RPGR: variants seen among roughly 807,000 people sequenced by gnomAD.
The protein encoded by RPGR is retinitis pigmentosa GTPase regulator.
RPGR carries 10 observed loss-of-function variants against 56.3 expected under a neutral mutation model. That is an observed-to-expected ratio of 0.18 (90% CI 0.11 to 0.30). The LOEUF (loss-of-function observed/expected upper bound fraction) is 0.30, where lower values mean the gene tolerates loss of function less well. RPGR is among the 10% of genes least tolerant of loss of function. The pLI is 1.00. For missense variants in RPGR, 538 were observed against 590.9 expected (o/e 0.91, Z 0.93); for synonymous variants, 197 against 212.9 (o/e 0.93, Z 0.65).
chrX:38,276,567 T>G (rs1426577872), intron 16 of RPGR: 1 of 1,204,100 alleles, frequency 8.3e-7, no homozygotes, highest in East Asian at 3.0e-5. Context: ...ATCTCAGGAT[T>G]TAAGCATCTA....
chrX:38,286,172 C>G, intron 15 of RPGR: 1 of 780,522 alleles, frequency 1.3e-6, no homozygotes, highest in Non-Finnish European at 1.7e-6. Flanking sequence ...CCTTCTCCAT[C>G]CTCCCCTTCC....
chrX:38,282,111 A>T (rs1462807337), intron 15 of RPGR, among the ~76,000 whole-genome samples: 2 of 111,811 alleles, frequency 1.8e-5, no homozygotes, highest in Non-Finnish European at 3.8e-5. Flanking sequence ...TAAATATTTT[A>T]AAAATTAAAT....
At chrX:38,274,287 G>T (rs1447316878) in intron 17 of RPGR, among the ~76,000 whole-genome samples, 1 of 111,331 alleles carries the variant, frequency 9.0e-6, no homozygotes, top group African/African-American at 3.3e-5. Context: ...TGATAGGTAG[G>T]CTTGGGAAAG....
At chrX:38,315,912 A>G (rs999880288) in intron 6 of RPGR, among the ~76,000 whole-genome samples, 3 of 108,780 alleles carry the variant, frequency 2.8e-5, no homozygotes, top group Non-Finnish European at 5.7e-5. Context: ...TTATGTACCC[A>G]CAAATATTAA....
intron 16 of RPGR, chrX:38,275,192 G>A: frequency 1.8e-6 from 2 of 1,094,421 alleles, no homozygotes; most frequent in East Asian, 3.0e-5. Context: ...TTTTTGTGCT[G>A]TTCTAGAAAA....
At chrX:38,284,816 G>A (rs1407210467) in intron 15 of RPGR, 1 of 746,801 alleles carries the variant, frequency 1.3e-6, no homozygotes, top group East Asian at 1.5e-4. Context: ...GGCCCAATGA[G>A]TACCTTTGCC....
chrX:38,307,889 C>T (rs1056163948), intron 7 of RPGR, among the ~76,000 whole-genome samples: 4 of 111,445 alleles, frequency 3.6e-5, no homozygotes, highest in Non-Finnish European at 7.5e-5. Flanking sequence ...TGAAAATGTT[C>T]CTTATTTTAT....
chrX:38,322,846 C>A lies in RPGR; in HGVS notation c.247+7G>T. 1 of 1,199,710 alleles carries A rather than the reference C, an allele frequency of 8.3e-7. No individual in the cohort carries two copies. Among genetic ancestry groups the A allele is most frequent in the Non-Finnish European group, 1.1e-6 (1 of 884,713 alleles). On this transcript the variant is annotated splice_region_variant and intron_variant, in intron 3 of 18. Coordinates refer to ENST00000642395, the MANE Select transcript of RPGR (RefSeq NM_000328.3). ...ACAGTTTGTGAAAAGATAAAAAGAT[C>A]CCAAACCTTTGACACATGTTGGCTT...
At chrX:38,289,852 C>G (rs1325857670) in intron 13 of RPGR, among the ~76,000 whole-genome samples, 2 of 112,083 alleles carry the variant, frequency 1.8e-5, no homozygotes, top group Non-Finnish European at 3.8e-5. Context: ...GTTGCCAGAA[C>G]TGATTTCTAA....
At chrX:38,274,349 T>TA (rs770337586) in intron 17 of RPGR, among the ~76,000 whole-genome samples, 10 of 111,560 alleles carry the variant, frequency 9.0e-5, no homozygotes, top group African/African-American at 3.3e-4. Flanking sequence ...CCCTCGGGGG[T>TA]AAATAACTGG....
At chrX:38,304,489 T>C (rs1271019653) in intron 8 of RPGR, 146 bp downstream of exon 8, 3 of 471,333 alleles carry the variant, frequency 6.4e-6, no homozygotes, top group Non-Finnish European at 3.6e-6. Context: ...CACAACTTTA[T>C]ACTTTGGAAT....
chrX:38,317,856 A>C (rs1176092062), intron 5 of RPGR: 1 of 119,976 alleles, frequency 8.3e-6, no homozygotes, highest in African/African-American at 3.2e-5. Flanking sequence ...AGACACCTGC[A>C]GGTCAAAAAA....
intron 7 of RPGR, among the ~76,000 whole-genome samples, chrX:38,307,879 T>C (rs1344388415): frequency 8.9e-6 from 1 of 111,917 alleles, no homozygotes; most frequent in African/African-American, 3.2e-5. Flanking sequence ...TTTTTTATTT[T>C]GAAAATGTTC....
At chrX:38,322,761 C>G in intron 3 of RPGR, 92 bp downstream of exon 3, 3 of 689,859 alleles carry the variant, frequency 4.3e-6, no homozygotes, top group Non-Finnish European at 6.9e-6. Flanking sequence ...AAATAAAGAA[C>G]TAAAAGCTTT....
intron 6 of RPGR, 105 bp from the exon 7 acceptor site, chrX:38,310,878 C>A (rs35019417): frequency 1.5e-6 from 1 of 663,582 alleles, no homozygotes; most frequent in East Asian, 3.4e-5. Flanking sequence ...ATACATTTGA[C>A]CTTTCTTGAG....
At chrX:38,322,153 G>C (rs1288751689) in intron 3 of RPGR, among the ~76,000 whole-genome samples, 1 of 111,953 alleles carries the variant, frequency 8.9e-6, no homozygotes, top group African/African-American at 3.2e-5. Context: ...GAAATTTTGA[G>C]CTGAAATTAA....
chrX:38,283,092 T>C (rs1216953763), intron 15 of RPGR, among the ~76,000 whole-genome samples: 11 of 111,140 alleles, frequency 9.9e-5, no homozygotes, highest in East Asian at 2.8e-4. Context: ...TTTACAAACA[T>C]GTAAATCACT....
chrX:38,321,959 CCCATAGT>C (rs1176093306), intron 3 of RPGR, among the ~76,000 whole-genome samples: 6 of 111,847 alleles, frequency 5.4e-5, no homozygotes, highest in Non-Finnish European at 5.6e-5. Context: ...TCTCAAGGAT[CCCATAGT>C]CTAAACAATC....
chrX:38,294,480 A>G (rs907078176), intron 11 of RPGR, among the ~76,000 whole-genome samples: 1 of 111,719 alleles, frequency 9.0e-6, no homozygotes, highest in African/African-American at 3.3e-5. Flanking sequence ...GCCTCTCAAA[A>G]TACTGGGATT....
Sources: allele counts gnomAD v4.1 joint callset (sites outside exome capture counted in the v4.1 genomes callset), GRCh38; gene constraint gnomAD v4.1.1; transcripts MANE v1.5; gene names NCBI Gene and HGNC (gene_info 2026-07-23, HGNC 2026-07-21).